NDUFA10: variants seen among roughly 807,000 people sequenced by gnomAD.
NDUFA10 encodes NADH dehydrogenase [ubiquinone] 1 alpha subcomplex subunit 10, mitochondrial.
NDUFA10 carries 40 observed loss-of-function variants against 47.8 expected under a neutral mutation model. That is an observed-to-expected ratio of 0.84 (90% CI 0.65 to 1.09). NDUFA10 has a LOEUF of 1.09. Ranked by LOEUF, NDUFA10 falls within the 50% of genes least tolerant of loss-of-function variation. NDUFA10 has a pLI of 0.00. For synonymous variants in NDUFA10, 183 were observed against 172.2 expected (o/e 1.06, Z -0.49); for missense variants, 413 against 451.1 (o/e 0.92, Z 0.76).
chr2:239,930,704 G>A (rs989548919), intron 4 of NDUFA10, among the ~76,000 whole-genome samples: 3 of 152,188 alleles, frequency 2.0e-5, no homozygotes, highest in Non-Finnish European at 4.4e-5. Context: ...AGCCGGACCA[G>A]AGGGCGTGCA....
intron 4 of NDUFA10, among the ~76,000 whole-genome samples, chr2:239,915,056 GACAC>G (rs1034656198): frequency 1.5e-5 from 2 of 129,580 alleles, no homozygotes; most frequent in Non-Finnish European, 3.1e-5. Context: ...CACATACACA[GACAC>G]ACACAAATAT....
chr2:239,897,193 A>T (rs2106460560), intron 4 of NDUFA10, among the ~76,000 whole-genome samples: 1 of 152,336 alleles, frequency 6.6e-6, no homozygotes, highest in South Asian at 2.1e-4. Context: ...CAATATGGAA[A>T]ATTTCCCAGC....
rs79880332 is a variant in NDUFA10, at chr2:239,986,551, G to A, written c.999+3523C>T. Reference sequence around the variant, plus strand: ...TCAACAAATAGAAACACAGAAACAAGTATAGATGTATCTGAATAAACAGGA... The same window carrying A: ...TCAACAAATAGAAACACAGAAACAAATATAGATGTATCTGAATAAACAGGA... On this transcript the variant is annotated intron_variant, in intron 9 of 9. Coordinates refer to ENST00000252711, the MANE Select transcript of NDUFA10 (RefSeq NM_004544.4). Among the ~76,000 whole-genome samples, 172 of 152,260 alleles carry A rather than the reference G, an allele frequency of 1.1e-3. 1 individual carries two copies. Among genetic ancestry groups the A allele is most frequent in the African/African-American group, 4.1e-3 (169 of 41,538 alleles).
intron 3 of NDUFA10, chr2:240,020,992 C>T (rs1697597013): frequency 3.2e-6 from 2 of 627,242 alleles, no homozygotes; most frequent in Non-Finnish European, 5.7e-6. Context: ...AAATCTCACT[C>T]CAGTATCCAT....
intron 9 of NDUFA10, among the ~76,000 whole-genome samples, chr2:239,985,956 G>A (rs559642739): frequency 3.4e-5 from 5 of 146,256 alleles, no homozygotes; most frequent in African/African-American, 1.3e-4. Flanking sequence ...ATGAACACCA[G>A]CCAAAGGCTC....
intron 4 of NDUFA10, among the ~76,000 whole-genome samples, chr2:239,937,654 A>C (rs970927588): frequency 1.3e-5 from 2 of 152,176 alleles, no homozygotes; most frequent in Non-Finnish European, 2.9e-5. Flanking sequence ...CTGAACATGC[A>C]TGTACAAGAC....
chr2:239,926,847 T>C (rs1281861980), intron 4 of NDUFA10, among the ~76,000 whole-genome samples: 1 of 152,178 alleles, frequency 6.6e-6, no homozygotes, highest in Admixed American at 6.5e-5. Context: ...AGAGGTTTAA[T>C]GGACTCACAG....
At chr2:239,893,947 C>T (rs1332706807) in intron 5 of NDUFA10, among the ~76,000 whole-genome samples, 1 of 149,786 alleles carries the variant, frequency 6.7e-6, no homozygotes, top group East Asian at 2.0e-4. Flanking sequence ...TCCCTGCCTC[C>T]CGTCCTCAGC....
chr2:239,897,006 C>A (rs1033861877), intron 4 of NDUFA10, among the ~76,000 whole-genome samples: 1 of 152,108 alleles, frequency 6.6e-6, no homozygotes, highest in Non-Finnish European at 1.5e-5. Context: ...ATTCCTTAAA[C>A]AAATCTTTTC....
chr2:239,937,408 A>G (rs1694282739), intron 4 of NDUFA10, among the ~76,000 whole-genome samples: 2 of 152,118 alleles, frequency 1.3e-5, no homozygotes, highest in South Asian at 4.2e-4. Context: ...CCACTCATCT[A>G]CTTTCTGTCT....
At chr2:240,022,599 T>A (rs1199135529) in intron 1 of NDUFA10, among the ~76,000 whole-genome samples, 4 of 152,012 alleles carry the variant, frequency 2.6e-5, no homozygotes, top group Non-Finnish European at 4.4e-5. Flanking sequence ...GAAATTTTTA[T>A]TAAATATGTT....
At chr2:239,914,105 C>A (rs186748933) in intron 4 of NDUFA10, among the ~76,000 whole-genome samples, 1 of 152,216 alleles carries the variant, frequency 6.6e-6, no homozygotes, top group East Asian at 1.9e-4. Context: ...AGTTCACAGG[C>A]AACACACACA....
chr2:239,947,477 C>G (rs1266964899), intron 4 of NDUFA10, among the ~76,000 whole-genome samples: 1 of 152,202 alleles, frequency 6.6e-6, no homozygotes, highest in Non-Finnish European at 1.5e-5. Context: ...CGGGAGGCAG[C>G]TGCTACCAGA....
intron 4 of NDUFA10, among the ~76,000 whole-genome samples, chr2:239,927,313 T>C (rs573136324): frequency 6.6e-6 from 1 of 151,742 alleles, no homozygotes; most frequent in South Asian, 2.1e-4. Context: ...TATAAAAGAG[T>C]CAGAAAGTTA....
At chr2:239,912,023 A>G (rs1304943199) in intron 4 of NDUFA10, among the ~76,000 whole-genome samples, 2 of 152,184 alleles carry the variant, frequency 1.3e-5, no homozygotes, top group African/African-American at 2.4e-5. Flanking sequence ...ATGTTGCCCC[A>G]GAGAGGAGGC....
At chr2:239,904,271 T>C (rs1164874308) in intron 4 of NDUFA10, among the ~76,000 whole-genome samples, 1 of 151,656 alleles carries the variant, frequency 6.6e-6, no homozygotes, top group African/African-American at 2.4e-5. Flanking sequence ...TCTTCTTTTT[T>C]CTTTTTAGTT....
intron 9 of NDUFA10, among the ~76,000 whole-genome samples, chr2:239,974,528 A>C (rs6704781): frequency 0.015 from 2,315 of 152,352 alleles, 49 homozygotes; most frequent in African/African-American, 0.053. Flanking sequence ...TCATGCTGAG[A>C]TGTAACTCAC....
intron 6 of NDUFA10, 148 bp downstream of exon 6, chr2:240,011,469 G>GT (rs1697140809): frequency 1.4e-6 from 1 of 698,580 alleles, no homozygotes; most frequent in Admixed American, 2.3e-5. Context: ...AATGTCTCCT[G>GT]TTTTTCTTAT....
chr2:240,012,993 T>C (rs533646712), intron 5 of NDUFA10: 1 of 152,358 alleles, frequency 6.6e-6, no homozygotes, highest in African/African-American at 2.4e-5. Flanking sequence ...TCTCTATCAT[T>C]AGCTATGTGC....
Sources: gnomAD v4.1 joint callset for allele counts (sites outside exome capture counted in the v4.1 genomes callset) on GRCh38, gnomAD v4.1.1 for gene constraint, MANE v1.5 for transcripts, NCBI Gene and HGNC (gene_info 2026-07-23, HGNC 2026-07-21) for gene names.